The following PHACTR1 variants were observed in gnomAD, a reference collection of about 807,000 sequenced individuals.
PHACTR1 encodes RPEL repeat containing 1.
A neutral mutation model predicts 69.2 loss-of-function variants in PHACTR1; 16 were observed. That is an observed-to-expected ratio of 0.23 (90% CI 0.16 to 0.35). The LOEUF is 0.35. Among genes scored for constraint, PHACTR1 ranks in the 10% least tolerant of loss-of-function variants. The pLI, the probability that PHACTR1 is intolerant of heterozygous loss-of-function variation, is 1.00. For synonymous variants in PHACTR1, 312 were observed against 284.5 expected (o/e 1.10, Z -0.97); for missense variants, 510 against 734.7 (o/e 0.69, Z 3.54).
intron 5 of PHACTR1, among the ~76,000 whole-genome samples, chr6:13,085,294 A>G (rs903202543): frequency 6.6e-5 from 10 of 152,046 alleles, no homozygotes; most frequent in Non-Finnish European, 1.3e-4. Context: ...TGAAAATAAT[A>G]CTGTGTTATT....
intron 3 of PHACTR1, among the ~76,000 whole-genome samples, chr6:12,731,059 A>T (rs1284884804): frequency 1.3e-5 from 2 of 149,824 alleles, no homozygotes; most frequent in Non-Finnish European, 3.0e-5. Context: ...TCTGTTGCCC[A>T]GGCTGGAGTG....
chr6:13,184,636 AT>A (rs1762599731), intron 7 of PHACTR1, among the ~76,000 whole-genome samples: 2 of 151,956 alleles, frequency 1.3e-5, no homozygotes, highest in Admixed American at 1.3e-4. Flanking sequence ...GCTTCACTGG[AT>A]TTCTGGCCTC....
At chr6:13,083,284 G>A (rs1344412690) in intron 5 of PHACTR1, among the ~76,000 whole-genome samples, 5 of 151,820 alleles carry the variant, frequency 3.3e-5, no homozygotes, top group African/African-American at 1.2e-4. Context: ...TGAGGGCTCT[G>A]TTCTGTTCCA....
chr6:13,278,568 G>A (rs566931871), intron 12 of PHACTR1, among the ~76,000 whole-genome samples: 6 of 152,310 alleles, frequency 3.9e-5, no homozygotes, highest in Admixed American at 2.6e-4. Flanking sequence ...CTAACAACTC[G>A]ATGGCTATTG....
chr6:13,225,738 C>T (rs1384509447), intron 8 of PHACTR1, among the ~76,000 whole-genome samples: 2 of 152,198 alleles, frequency 1.3e-5, no homozygotes, highest in South Asian at 2.1e-4. Context: ...TCCCGGCTGC[C>T]GTTATCCCCA....
chr6:12,725,407 T>A (rs1762653722), intron 3 of PHACTR1, among the ~76,000 whole-genome samples: 1 of 152,200 alleles, frequency 6.6e-6, no homozygotes, highest in Non-Finnish European at 1.5e-5. Context: ...CCAGCCCCAT[T>A]GTCACCTCCC....
chr6:12,759,572 C>A (rs1401235392), intron 4 of PHACTR1, among the ~76,000 whole-genome samples: 1 of 152,076 alleles, frequency 6.6e-6, no homozygotes, highest in Non-Finnish European at 1.5e-5. Context: ...CCCTTGGGCT[C>A]AGTGGGCATG....
intron 8 of PHACTR1, 28 bp downstream of exon 8, chr6:13,206,164 G>A (rs777125199): frequency 3.1e-5 from 47 of 1,517,332 alleles, no homozygotes; most frequent in South Asian, 1.9e-4. Context: ...GAGGGAGGAC[G>A]GGAGGAGAGG....
At chr6:12,804,320 A>G (rs1330187665) in intron 4 of PHACTR1, among the ~76,000 whole-genome samples, 1 of 152,146 alleles carries the variant, frequency 6.6e-6, no homozygotes, top group East Asian at 1.9e-4. Flanking sequence ...CTTATGTTAG[A>G]TGGCTTTTGT....
rs146338699 is a variant in PHACTR1 at position 13,237,108 on chromosome 6, G to C, written c.1391+6915G>C. Among the ~76,000 whole-genome samples the C allele has an allele frequency of 5.5e-3, 839 of 152,268 alleles. 9 individuals carry two copies. The highest frequency in any genetic ancestry group is 0.018 in the African/African-American group (752 of 41,554). The stretch of plus-strand genomic sequence containing the variant: ...TTAGACTTTATAGGACTGGCACAGT[G>C]GCTCATGCCTATAATCCCAGCACTT... On this transcript the variant is annotated intron_variant, in intron 10 of 14. Coordinates refer to ENST00000332995, the MANE Select transcript of PHACTR1 (RefSeq NM_030948.6).
At chr6:12,970,671 G>A (rs982376789) in intron 4 of PHACTR1, among the ~76,000 whole-genome samples, 5 of 152,166 alleles carry the variant, frequency 3.3e-5, no homozygotes, top group Non-Finnish European at 5.9e-5. Context: ...CACGAGCATC[G>A]TTTGAACGCG....
At chr6:12,781,473 C>T (rs1770811548) in intron 4 of PHACTR1, among the ~76,000 whole-genome samples, 1 of 152,190 alleles carries the variant, frequency 6.6e-6, no homozygotes, top group South Asian at 2.1e-4. Context: ...AACTATTTTC[C>T]AAATGGGCCT....
At chr6:12,751,576 G>A (rs1766621758) in intron 4 of PHACTR1, among the ~76,000 whole-genome samples, 1 of 152,174 alleles carries the variant, frequency 6.6e-6, no homozygotes, top group Admixed American at 6.5e-5. Flanking sequence ...ATAAAATAAA[G>A]TGCTAAACAA....
At chr6:12,884,913 C>T (rs1783485760) in intron 4 of PHACTR1, among the ~76,000 whole-genome samples, 1 of 152,170 alleles carries the variant, frequency 6.6e-6, no homozygotes. Context: ...TACAAGATGG[C>T]TTACTTTAAT....
intron 4 of PHACTR1, among the ~76,000 whole-genome samples, chr6:13,038,319 A>G (rs1803639348): frequency 6.6e-6 from 1 of 152,086 alleles, no homozygotes; most frequent in Non-Finnish European, 1.5e-5. Context: ...AAGATTATCA[A>G]TGGTAGTTAG....
intron 10 of PHACTR1, among the ~76,000 whole-genome samples, chr6:13,262,516 G>A (rs1584286252): frequency 6.6e-6 from 1 of 152,250 alleles, no homozygotes; most frequent in East Asian, 1.9e-4. Context: ...TGAACTGGTG[G>A]GATCTGGGTT....
At chr6:13,095,021 GTCTC>G (rs1026056491) in intron 5 of PHACTR1, among the ~76,000 whole-genome samples, 1 of 152,060 alleles carries the variant, frequency 6.6e-6, no homozygotes, top group Non-Finnish European at 1.5e-5. Context: ...CTAGCCTAGT[GTCTC>G]TCTCTCTTAA....
At chr6:13,098,962 G>C (rs370453898) in intron 5 of PHACTR1, among the ~76,000 whole-genome samples, 3 of 152,178 alleles carry the variant, frequency 2.0e-5, no homozygotes, top group African/African-American at 4.8e-5. Flanking sequence ...CAAAAACATA[G>C]TCATATCATT....
At chr6:12,763,999 T>G (rs1475462754) in intron 4 of PHACTR1, among the ~76,000 whole-genome samples, 1 of 152,130 alleles carries the variant, frequency 6.6e-6, no homozygotes, top group African/African-American at 2.4e-5. Context: ...ATACCAAAGC[T>G]CAAAGCAGAA....
Sources: allele counts gnomAD v4.1 joint callset (sites outside exome capture counted in the v4.1 genomes callset), GRCh38; gene constraint gnomAD v4.1.1; transcripts MANE v1.5; gene names NCBI Gene and HGNC (gene_info 2026-07-23, HGNC 2026-07-21).